The following DNAH9 variants were observed in gnomAD, a reference collection of about 807,000 sequenced individuals.
DNAH9 encodes the protein DNAH9 variant protein.
In DNAH9, 345 loss-of-function variants were observed where a neutral mutation model predicts 471.6. That is an observed-to-expected ratio of 0.73 (90% CI 0.67 to 0.80). The LOEUF (loss-of-function observed/expected upper bound fraction) is 0.80. DNAH9 is among the 30% of genes least tolerant of loss of function. The pLI, the probability that DNAH9 is intolerant of heterozygous loss-of-function variation, is 0.00. For missense variants in DNAH9, 5,407 were observed against 5,609.2 expected, an observed-to-expected ratio of 0.96 and a Z score of 1.15; for synonymous variants, 2,093 against 2,123.6, an observed-to-expected ratio of 0.99 and a Z score of 0.40.
intron 51 of DNAH9, among the ~76,000 whole-genome samples, chr17:11,871,358 C>G (rs1209202025): frequency 6.6e-6 from 1 of 152,224 alleles, no homozygotes; most frequent in Non-Finnish European, 1.5e-5. Context: ...ACAGAAAGAG[C>G]AGAGTCAAAC....
At position 11,854,239 on chromosome 17, in the gene DNAH9, C is replaced by T. The variant is rs12449553; in HGVS notation, c.9744C>T (p.Pro3248=). The change falls in exon 50 of 69, where the codon CCC becomes CCT. Residue 3248 remains proline, a synonymous_variant. Transcript: ENST00000262442. ...LKAIRPYLQD[P]EFNPEFVATK... Reference sequence around the variant, plus strand: ...CCATCAGGCCGTATCTGCAAGACCCCGAGTTCAATCCTGAGTTTGTGGCCA... The same window carrying T: ...CCATCAGGCCGTATCTGCAAGACCCTGAGTTCAATCCTGAGTTTGTGGCCA... 6.0e-4 allele frequency: 963 copies of T among 1,613,982 alleles called. 11 individuals are homozygous for T. In the South Asian group the frequency reaches 9.2e-3, roughly 15 times the overall value.
intron 8 of DNAH9, among the ~76,000 whole-genome samples, chr17:11,632,955 G>A (rs1226370351): frequency 1.3e-5 from 2 of 152,140 alleles, no homozygotes; most frequent in African/African-American, 4.8e-5. Flanking sequence ...TTTCTGCGGT[G>A]ATCTCTTTAG....
intron 50 of DNAH9, among the ~76,000 whole-genome samples, chr17:11,863,172 G>C (rs1273076413): frequency 3.3e-5 from 5 of 152,058 alleles, no homozygotes; most frequent in African/African-American, 4.8e-5. Flanking sequence ...ATAGATAGCT[G>C]TTATTATTTT....
At chr17:11,716,272 G>A (rs1189201409) in intron 26 of DNAH9, among the ~76,000 whole-genome samples, 3 of 151,790 alleles carry the variant, frequency 2.0e-5, no homozygotes, top group African/African-American at 7.3e-5. Context: ...CAGTAAAGAC[G>A]GTTTCACCAT....
At chr17:11,832,842 T>A (rs1222514879) in intron 48 of DNAH9, among the ~76,000 whole-genome samples, 1 of 152,186 alleles carries the variant, frequency 6.6e-6, no homozygotes, top group African/African-American at 2.4e-5. Context: ...GAATGTAAAG[T>A]TTATGGGCCG....
At chr17:11,619,104 C>T (rs1287384798) in intron 5 of DNAH9, among the ~76,000 whole-genome samples, 1 of 152,244 alleles carries the variant, frequency 6.6e-6, no homozygotes, top group Non-Finnish European at 1.5e-5. Flanking sequence ...CCCAGGGACC[C>T]ACCCTGTTGT....
chr17:11,694,631 T>TCGC (rs2074400862), intron 22 of DNAH9, among the ~76,000 whole-genome samples, 184 bp downstream of exon 22: 1 of 6,724 alleles, frequency 1.5e-4, no homozygotes, highest in Admixed American at 2.8e-3. Context: ...TCTTGCTTTC[T>TCGC]TGCTTTCTTG....
In DNAH9 at chr17:11,669,069, A is replaced by G; in HGVS notation, c.2737A>G (p.Lys913Glu). 8.7e-6 allele frequency: 14 copies of G among 1,608,456 alleles called. No homozygotes were observed. The highest frequency in any genetic ancestry group is 1.1e-5 in the Non-Finnish European group (13 of 1,176,406). ...TTGTTTTCTGTGTTTTTCAGAGTGT[A>G]AGGCAGGACTTACCCCAATATTTGA... Reference protein sequence around the residue: ...LKYLLENTECKAGLTPIFEAQ... With the variant: ...LKYLLENTECEAGLTPIFEAQ... The change falls in exon 16 of 69, where the codon AAG becomes GAG. Residue 913 changes from lysine (K) to glutamate (E), a missense_variant. Around this residue, in one of 3 missense-constraint regions of DNAH9, gnomAD observed 4,636 missense variants for 4,900.3 expected, o/e 0.95. Coordinates refer to ENST00000262442, the MANE Select transcript of DNAH9 (RefSeq NM_001372.4).
chr17:11,898,629 C>T lies in DNAH9; in HGVS notation c.11407-4090C>T, dbSNP rs75535497. The stretch of plus-strand genomic sequence containing the variant: ...ACTAATCACCCAGCTATCTGGTGTC[C>T]ACATGCTATAGTCGATATGGATTGT... On this transcript the variant is annotated intron_variant, in intron 59 of 68. Transcript: ENST00000262442. Among the ~76,000 whole-genome samples, 955 of 152,274 alleles carry T rather than the reference C, an allele frequency of 6.3e-3. 7 individuals are homozygous for T. The highest frequency in any genetic ancestry group is 0.021 in the African/African-American group (885 of 41,548).
intron 67 of DNAH9, among the ~76,000 whole-genome samples, chr17:11,948,019 C>A (rs1975203011): frequency 6.6e-6 from 1 of 151,866 alleles, no homozygotes; most frequent in Non-Finnish European, 1.5e-5. Context: ...CCCACCTCGG[C>A]CTCCCAAAGT....
chr17:11,871,463 G>A (rs577927252), intron 51 of DNAH9, 135 bp from the exon 52 acceptor site: 18 of 750,756 alleles, frequency 2.4e-5, no homozygotes, highest in African/African-American at 7.0e-5. Flanking sequence ...CCCCATTAAC[G>A]GAAAGGGCCA....
intron 60 of DNAH9, among the ~76,000 whole-genome samples, chr17:11,904,631 A>G (rs1447210884): frequency 1.1e-3 from 11 of 9,942 alleles, no homozygotes; most frequent in Admixed American, 9.4e-3. Context: ...ACTCCATCTC[A>G]AAAAAAAAAA....
At chr17:11,919,985 G>A (rs1408112722) in intron 61 of DNAH9, among the ~76,000 whole-genome samples, 1 of 151,844 alleles carries the variant, frequency 6.6e-6, no homozygotes, top group Non-Finnish European at 1.5e-5. Flanking sequence ...AGAGCCCTGG[G>A]TGTGGCCACT....
intron 26 of DNAH9, among the ~76,000 whole-genome samples, chr17:11,714,259 T>C (rs1209050876): frequency 6.6e-6 from 1 of 152,254 alleles, no homozygotes; most frequent in Non-Finnish European, 1.5e-5. Context: ...CCAGTCTGCA[T>C]GTATCCAAAT....
rs531505072 is a variant in DNAH9, at chr17:11,905,274, T to C, written c.11601-387T>C. Among the ~76,000 whole-genome samples the C allele has an allele frequency of 9.9e-5, 15 of 151,246 alleles. No individual in the cohort carries two copies. The South Asian group carries it at 2.1e-3, about 21-fold the overall frequency. On this transcript the variant is annotated intron_variant, in intron 60 of 68. Transcript: ENST00000262442. Reference sequence around the variant, plus strand: ...GAGAGAATAGCGTACCGTAGGGCCTTAAATCTTGGGCAAGGCTGGTAGATA... The same window carrying C: ...GAGAGAATAGCGTACCGTAGGGCCTCAAATCTTGGGCAAGGCTGGTAGATA...
chr17:11,824,626 G>A (rs73980508), intron 48 of DNAH9, among the ~76,000 whole-genome samples: 10,864 of 152,184 alleles, frequency 0.071, 1,294 homozygotes, highest in African/African-American at 0.25. Context: ...TAATTTAATA[G>A]TGTGTAATAT....
intron 66 of DNAH9, among the ~76,000 whole-genome samples, chr17:11,941,667 T>C (rs1468430263): frequency 3.3e-5 from 5 of 151,744 alleles, no homozygotes; most frequent in South Asian, 2.1e-4. Context: ...TGTTGCATCA[T>C]AGAAACTCAG....
intron 15 of DNAH9, among the ~76,000 whole-genome samples, chr17:11,668,448 C>T (rs189334249): frequency 6.6e-6 from 1 of 152,150 alleles, no homozygotes; most frequent in Non-Finnish European, 1.5e-5. Flanking sequence ...GGGCGAATCA[C>T]GAGGTCAGGA....
rs1555621039 is a variant in DNAH9, at chr17:11,920,035, C to CTTTCTTTTTT, written c.11750-3776_11750-3775insCTTTTTTTTT. The stretch of plus-strand genomic sequence containing the variant: ...GAAATGAAATGGAGCTAAGTTCTTT[C>CTTTCTTTTTT]TTTTTTTTTTTTTTTTGAGACAGAG... On this transcript the variant is annotated intron_variant, in intron 61 of 68. Coordinates refer to ENST00000262442, the MANE Select transcript of DNAH9 (RefSeq NM_001372.4). Among the ~76,000 whole-genome samples the CTTTCTTTTTT allele has an allele frequency of 2.9e-5, 4 of 135,954 alleles. 1 individual carries two copies. The highest frequency in any genetic ancestry group is 6.3e-5 in the Non-Finnish European group (4 of 63,110). 89.2% of individuals were successfully genotyped at this position (135,954 alleles called of 152,430 possible). A position where few individuals can be genotyped will look rare whatever the true frequency, so the allele number is the denominator to read the frequency against.
Sources: allele counts gnomAD v4.1 joint callset (sites outside exome capture counted in the v4.1 genomes callset), GRCh38; gene constraint gnomAD v4.1.1; regional missense constraint gnomAD v4.1.1; transcripts MANE v1.5; gene names NCBI Gene and HGNC (gene_info 2026-07-23, HGNC 2026-07-21).